The following FAM20C variants were observed in gnomAD, a reference collection of about 807,000 sequenced individuals.
FAM20C encodes FAM20C golgi associated secretory pathway kinase.
A neutral mutation model predicts 51.5 loss-of-function variants in FAM20C; 40 were observed. That is an observed-to-expected ratio of 0.78 (90% CI 0.60 to 1.01). The LOEUF is 1.01. Among genes scored for constraint, FAM20C ranks in the 50% least tolerant of loss-of-function variants. The pLI is 0.00. For synonymous variants in FAM20C, 406 were observed against 380.6 expected, an observed-to-expected ratio of 1.07 and a Z score of -0.78; for missense variants, 861 against 844.7, an observed-to-expected ratio of 1.02 and a Z score of -0.24.
intron 3 of FAM20C, chr7:228,975 G>A: frequency 2.6e-6 from 1 of 380,166 alleles, no homozygotes; most frequent in South Asian, 1.9e-5. Flanking sequence ...CAGCCAGGGT[G>A]AGTAGCGACA....
At chr7:258,361 A>G (rs370627601) in intron 8 of FAM20C, among the ~76,000 whole-genome samples, 1,195 of 13,068 alleles carry the variant, frequency 0.091, 33 homozygotes, top group Middle Eastern at 0.21. Context: ...CCACTGCCTG[A>G]GGTGCTGGAG....
At chr7:233,456 C>A (rs962424560) in intron 3 of FAM20C, among the ~76,000 whole-genome samples, 1 of 152,154 alleles carries the variant, frequency 6.6e-6, no homozygotes, top group African/African-American at 2.4e-5. Flanking sequence ...TCACGGCAAA[C>A]GCAGTGTCTT....
In FAM20C at chr7:208,888, C is replaced by T. The variant is rs762083760; in HGVS notation, c.785-10C>T. 14 of 1,564,494 alleles carry T rather than the reference C, an allele frequency of 8.9e-6. No homozygotes were observed. The highest frequency in any genetic ancestry group is 7.6e-5 in the Admixed American group (4 of 52,540). ...GAGAGTGACCCTGTTTCTCTCCCTC[C>T]TTCCTGCAGCCATGAAGTCGGGGGG... is the stretch of plus-strand genomic sequence containing the variant. On this transcript the variant is annotated splice_polypyrimidine_tract_variant and intron_variant, in intron 2 of 9. Transcript: ENST00000313766.
At chr7:230,519 A>T (rs1787628643) in intron 3 of FAM20C, among the ~76,000 whole-genome samples, 1 of 152,052 alleles carries the variant, frequency 6.6e-6, no homozygotes, top group African/African-American at 2.4e-5. Flanking sequence ...CCGTGGGTGG[A>T]TGGAGGGTGG....
chr7:256,547 C>T (rs1788597333), intron 6 of FAM20C, 107 bp from the exon 7 acceptor site: 1 of 914,030 alleles, frequency 1.1e-6, no homozygotes, highest in African/African-American at 1.6e-5. Flanking sequence ...GGTCCATCTG[C>T]AGACGCCAAG....
chr7:192,817 G>A lies in FAM20C; in HGVS notation c.-383G>A, dbSNP rs1562355949. Among the ~76,000 whole-genome samples the A allele has an allele frequency of 6.9e-6, 1 of 144,670 alleles. No individual in the cohort carries two copies. Among genetic ancestry groups the A allele is most frequent in the Admixed American group, 6.8e-5 (1 of 14,710 alleles). 94.9% of individuals were successfully genotyped at this position (144,670 alleles called of 152,430 possible). ...CGCCTGCGGCCGCCGCCACCGCCCAGGCCCGTCGCGCCCCGGCCGGGATGG... is the reference window on the plus strand; with the variant it reads ...CGCCTGCGGCCGCCGCCACCGCCCAAGCCCGTCGCGCCCCGGCCGGGATGG... On this transcript the variant is annotated 5_prime_UTR_variant, in exon 1 of 10. Transcript: ENST00000313766.
chr7:193,777 G>T lies in FAM20C; in HGVS notation c.578G>T (p.Ser193Ile). Reference protein sequence around the residue: ...LFNVNSDTRLSPKAAENPDWP... With the variant: ...LFNVNSDTRLIPKAAENPDWP... ...AATGTGAACAGCGACACCAGGCTCA[G>T]CCCCAAAGCGGCGGAGAACCCGGAC... is the stretch of plus-strand genomic sequence containing the variant. Residue 193 changes from serine (S) to isoleucine (I), a missense_variant, in exon 1 of 10, where the codon AGC (serine) becomes ATC (isoleucine). Transcript: ENST00000313766. 9 of 1,552,948 alleles carry T rather than the reference G, an allele frequency of 5.8e-6. No individual in the cohort carries two copies. Among genetic ancestry groups the T allele is most frequent in the Non-Finnish European group, 7.8e-6 (9 of 1,148,526 alleles).
At chr7:204,349 C>T (rs1430077749) in intron 2 of FAM20C, among the ~76,000 whole-genome samples, 1 of 152,240 alleles carries the variant, frequency 6.6e-6, no homozygotes, top group Non-Finnish European at 1.5e-5. Context: ...TTGCTGCTTC[C>T]TTCACCTGAG....
intron 3 of FAM20C, among the ~76,000 whole-genome samples, chr7:236,137 CT>C (rs1425180996): frequency 2.6e-5 from 4 of 151,910 alleles, no homozygotes; most frequent in Non-Finnish European, 5.9e-5. Flanking sequence ...TTTCCAAAGC[CT>C]TTTTCCCGGG....
intron 2 of FAM20C, among the ~76,000 whole-genome samples, chr7:207,534 T>TA (rs1462784960): frequency 6.6e-6 from 1 of 152,170 alleles, no homozygotes; most frequent in African/African-American, 2.4e-5. Flanking sequence ...GCTCCTGAGC[T>TA]GCGCCCAGGG....
intron 3 of FAM20C, among the ~76,000 whole-genome samples, chr7:220,518 G>A (rs1334283145): frequency 1.3e-5 from 2 of 152,224 alleles, no homozygotes; most frequent in African/African-American, 4.8e-5. Context: ...TGGTGAAGGG[G>A]GCGTTGTTCC....
intron 3 of FAM20C, among the ~76,000 whole-genome samples, chr7:209,613 G>T (rs1459020640): frequency 2.0e-5 from 3 of 152,228 alleles, no homozygotes; most frequent in African/African-American, 7.2e-5. Flanking sequence ...TCGTGGTGAG[G>T]GGTGTGTGGA....
At chr7:234,449 G>A (rs1034379728) in intron 3 of FAM20C, among the ~76,000 whole-genome samples, 4 of 152,208 alleles carry the variant, frequency 2.6e-5, no homozygotes, top group South Asian at 2.1e-4. Context: ...CCTGTATCGG[G>A]GGTGGCTGGC....
chr7:260,480 TC>T lies in FAM20C; in HGVS notation c.*501del. ...TCGGCTCCTGGAGGGCTGGAGGGTCTCGTCTGAGGACGGGAGGAGGCTCTCG... is the reference window on the plus strand; with the variant it reads ...TCGGCTCCTGGAGGGCTGGAGGGTCTGTCTGAGGACGGGAGGAGGCTCTCG... On this transcript the variant is annotated 3_prime_UTR_variant, in exon 10 of 10. Transcript: ENST00000313766. 1 of 152,652 alleles carries T rather than the reference TC, an allele frequency of 6.6e-6. No homozygotes were observed. The highest frequency in any genetic ancestry group is 6.5e-5 in the Admixed American group (1 of 15,324). 9.5% of individuals were successfully genotyped at this position (152,652 alleles called of 1,614,324 possible).
intron 2 of FAM20C, among the ~76,000 whole-genome samples, chr7:207,858 C>T (rs1216684805): frequency 6.6e-6 from 1 of 152,258 alleles, no homozygotes; most frequent in Non-Finnish European, 1.5e-5. Flanking sequence ...GTGGGAACCC[C>T]CCGGAGCCCC....
chr7:211,481 G>A (rs941752109), intron 3 of FAM20C, among the ~76,000 whole-genome samples: 10 of 150,158 alleles, frequency 6.7e-5, no homozygotes, highest in East Asian at 2.0e-4. Flanking sequence ...CGTCCCCAGC[G>A]TGGCCACATG....
chr7:253,604 G>A (rs1157287344), intron 5 of FAM20C, among the ~76,000 whole-genome samples: 1 of 152,362 alleles, frequency 6.6e-6, no homozygotes, highest in African/African-American at 2.4e-5. Flanking sequence ...GCCTCCCGTG[G>A]CTTCTTTGTG....
At chr7:243,931 T>TAAGAAG (rs1213822102) in intron 3 of FAM20C, among the ~76,000 whole-genome samples, 1 of 125,084 alleles carries the variant, frequency 8.0e-6, no homozygotes, top group African/African-American at 2.7e-5. Flanking sequence ...ATAATAATAA[T>TAAGAAG]AATAATAATA....
At chr7:255,233 C>T (rs1284792161) in intron 5 of FAM20C, among the ~76,000 whole-genome samples, 5 of 152,206 alleles carry the variant, frequency 3.3e-5, no homozygotes, top group Non-Finnish European at 5.9e-5. Flanking sequence ...GCGGTTCCCC[C>T]GTCCCAGCCG....
Sources: gnomAD v4.1 joint callset for allele counts (sites outside exome capture counted in the v4.1 genomes callset) on GRCh38, gnomAD v4.1.1 for gene constraint, MANE v1.5 for transcripts, NCBI Gene and HGNC (gene_info 2026-07-23, HGNC 2026-07-21) for gene names.